Variants in ZNF804B observed in about 807,000 individuals in gnomAD.
ZNF804B encodes zinc finger 804B.
Under a neutral mutation model 101.4 loss-of-function variants are expected in ZNF804B, and 80 were observed. The observed-to-expected ratio is 0.79, with a 90% CI of 0.66 to 0.95. ZNF804B has a LOEUF of 0.95. ZNF804B is among the 40% of genes least tolerant of loss of function. The pLI, the probability that ZNF804B is intolerant of heterozygous loss-of-function variation, is 0.00. For synonymous variants in ZNF804B, 622 were observed against 558.8 expected, an observed-to-expected ratio of 1.11 and a Z score of -1.59; for missense variants, 1,673 against 1,561.9, an observed-to-expected ratio of 1.07 and a Z score of -1.20.
At chr7:89,087,056 CAAAAA>C (rs35084707) in intron 1 of ZNF804B, among the ~76,000 whole-genome samples, 2 of 140,838 alleles carry the variant, frequency 1.4e-5, no homozygotes. Context: ...TTTTTAAATT[CAAAAA>C]AAAAAAAAAA....
At chr7:89,222,467 T>G (rs1438588206) in intron 2 of ZNF804B, among the ~76,000 whole-genome samples, 1 of 151,984 alleles carries the variant, frequency 6.6e-6, no homozygotes, top group Non-Finnish European at 1.5e-5. Flanking sequence ...GATCACTCTT[T>G]TCCTAGGAAA....
At chr7:88,900,909 A>T (rs1172401686) in intron 1 of ZNF804B, among the ~76,000 whole-genome samples, 1 of 151,764 alleles carries the variant, frequency 6.6e-6, no homozygotes, top group Non-Finnish European at 1.5e-5. Flanking sequence ...AAGGTAAAAT[A>T]TTATATTTAA....
intron 2 of ZNF804B, among the ~76,000 whole-genome samples, chr7:89,302,231 TA>T (rs1176929904): frequency 6.6e-6 from 1 of 151,908 alleles, no homozygotes; most frequent in Non-Finnish European, 1.5e-5. Flanking sequence ...AATTCTTAGA[TA>T]AAGATTTATA....
At chr7:88,816,377 C>G (rs1362520482) in intron 1 of ZNF804B, among the ~76,000 whole-genome samples, 3 of 152,104 alleles carry the variant, frequency 2.0e-5, no homozygotes, top group African/African-American at 7.2e-5. Context: ...TCAAAATTGA[C>G]AAATGGGATC....
intron 1 of ZNF804B, among the ~76,000 whole-genome samples, chr7:89,213,987 T>C (rs571310608): frequency 3.9e-5 from 6 of 152,228 alleles, no homozygotes; most frequent in Non-Finnish European, 7.3e-5. Context: ...CTAAGTGCAT[T>C]ACTCTAGTCA....
chr7:89,102,436 G>C (rs1790069482), intron 1 of ZNF804B, among the ~76,000 whole-genome samples: 1 of 151,960 alleles, frequency 6.6e-6, no homozygotes, highest in Non-Finnish European at 1.5e-5. Flanking sequence ...TCTCTGGTTA[G>C]TAATGTTGAG....
chr7:89,038,935 T>C (rs914807100), intron 1 of ZNF804B, among the ~76,000 whole-genome samples: 1 of 152,076 alleles, frequency 6.6e-6, no homozygotes, highest in African/African-American at 2.4e-5. Context: ...CACCATGTAT[T>C]TGTGGCATTT....
At chr7:89,266,805 A>T (rs576003914) in intron 2 of ZNF804B, among the ~76,000 whole-genome samples, 1 of 152,048 alleles carries the variant, frequency 6.6e-6, no homozygotes, top group Admixed American at 6.6e-5. Context: ...ATAATTATTT[A>T]TCCTTTTCAG....
chr7:88,972,745 G>A (rs1793556006), intron 1 of ZNF804B, among the ~76,000 whole-genome samples: 2 of 149,908 alleles, frequency 1.3e-5, no homozygotes, highest in Non-Finnish European at 1.5e-5. Context: ...TACTGAGTCT[G>A]ACAAAAAAAA....
At position 89,036,833 on chromosome 7, in the gene ZNF804B, A is replaced by G. The variant is rs536239716; in HGVS notation, c.109-181322A>G. Among the ~76,000 whole-genome samples the G allele has an allele frequency of 2.0e-5, 3 of 152,192 alleles. No individual in the cohort carries two copies. In the South Asian group the frequency reaches 6.2e-4, roughly 32 times the overall value. On this transcript the variant is annotated intron_variant, in intron 1 of 3. Transcript: ENST00000333190. ...CTTCCAAGCTGAATTTTTTTGAATA[A>G]AGGGCCAATATTGTTTGATGACTAT...
chr7:89,308,072 A>T (rs1790593053), intron 2 of ZNF804B, among the ~76,000 whole-genome samples: 1 of 152,148 alleles, frequency 6.6e-6, no homozygotes, highest in Non-Finnish European at 1.5e-5. Flanking sequence ...GATCAGTTTC[A>T]CTTGCAAGAA....
At chr7:88,831,062 T>C (rs187026457) in intron 1 of ZNF804B, among the ~76,000 whole-genome samples, 20 of 152,092 alleles carry the variant, frequency 1.3e-4, no homozygotes, top group Admixed American at 3.3e-4. Context: ...TGTTAAAATA[T>C]AGTTCATATA....
At chr7:88,877,668 C>T (rs1469467909) in intron 1 of ZNF804B, among the ~76,000 whole-genome samples, 2 of 152,016 alleles carry the variant, frequency 1.3e-5, no homozygotes, top group African/African-American at 4.8e-5. Flanking sequence ...TAGTGTCTAC[C>T]TCATAGAGTG....
intron 1 of ZNF804B, among the ~76,000 whole-genome samples, chr7:89,004,163 T>A (rs1788335866): frequency 6.6e-6 from 1 of 151,126 alleles, no homozygotes; most frequent in Non-Finnish European, 1.5e-5. Flanking sequence ...GATTTTAAAA[T>A]GTATTCAAAA....
At chr7:88,946,979 C>T (rs986391752) in intron 1 of ZNF804B, among the ~76,000 whole-genome samples, 2 of 151,910 alleles carry the variant, frequency 1.3e-5, no homozygotes, top group African/African-American at 2.4e-5. Context: ...CATCTCACGC[C>T]AGTTAGAAGG....
chr7:89,022,471 T>A (rs1414187216), intron 1 of ZNF804B, among the ~76,000 whole-genome samples: 2 of 152,190 alleles, frequency 1.3e-5, no homozygotes, highest in Admixed American at 6.6e-5. Flanking sequence ...TTATTGTTGT[T>A]TTGTTTTGCC....
chr7:88,973,543 C>T (rs2116116645), intron 1 of ZNF804B, among the ~76,000 whole-genome samples: 1 of 143,164 alleles, frequency 7.0e-6, no homozygotes, highest in East Asian at 2.0e-4. Context: ...TCTTCTAGAA[C>T]ACTTCGAAGT....
intron 1 of ZNF804B, among the ~76,000 whole-genome samples, chr7:88,917,126 G>A (rs755770740): frequency 6.6e-5 from 10 of 152,108 alleles, no homozygotes; most frequent in African/African-American, 2.4e-4. Flanking sequence ...TTAGCCGGAT[G>A]TGGTGGCAGG....
chr7:89,300,173 C>T (rs1790452323), intron 2 of ZNF804B, among the ~76,000 whole-genome samples: 1 of 151,558 alleles, frequency 6.6e-6, no homozygotes, highest in Non-Finnish European at 1.5e-5. Context: ...CATTGTCTTC[C>T]TTCTCATACC....
Sources: allele counts gnomAD v4.1 joint callset (sites outside exome capture counted in the v4.1 genomes callset), GRCh38; gene constraint gnomAD v4.1.1; transcripts MANE v1.5; gene names NCBI Gene and HGNC (gene_info 2026-07-23, HGNC 2026-07-21).